Variants in COL6A5 observed in about 807,000 individuals in gnomAD.
COL6A5 encodes the protein collagen type VI alpha 5 chain.
In COL6A5, 48 loss-of-function variants were observed where a neutral mutation model predicts 65.6. That is an observed-to-expected ratio of 0.73 (90% CI 0.58 to 0.93). The LOEUF is 0.93. Ranked by LOEUF, COL6A5 falls within the 40% of genes least tolerant of loss-of-function variation. The probability of loss-of-function intolerance (pLI) is 0.00; values close to 1 mark genes in which losing one functional copy is unlikely to be tolerated. For missense variants in COL6A5, 914 were observed against 928.3 expected (o/e 0.98, Z 0.20); for synonymous variants, 291 against 322.8 (o/e 0.90, Z 1.05).
At chr3:130,479,109 G>C (rs1229146810) in intron 7 of COL6A5, among the ~76,000 whole-genome samples, 2 of 151,986 alleles carry the variant, frequency 1.3e-5, no homozygotes, top group Admixed American at 6.6e-5. Flanking sequence ...GGTATTAGGA[G>C]GTAGGATATT....
chr3:130,380,153 C>G, intron 4 of COL6A5, 103 bp downstream of exon 4: 1 of 901,236 alleles, frequency 1.1e-6, no homozygotes, highest in Non-Finnish European at 1.6e-6. Flanking sequence ...AAGGAACTTT[C>G]AGGAGTTGTG....
intron 4 of COL6A5, among the ~76,000 whole-genome samples, chr3:130,445,387 CAATT>C (rs1709281970): frequency 6.6e-6 from 1 of 152,100 alleles, no homozygotes; most frequent in Admixed American, 6.5e-5. Flanking sequence ...GTTTAAATGA[CAATT>C]AATGCGTTGG....
chr3:130,360,373 C>A (rs1311359832), intron 1 of COL6A5, among the ~76,000 whole-genome samples: 1 of 151,950 alleles, frequency 6.6e-6, no homozygotes, highest in East Asian at 1.9e-4. Flanking sequence ...TTCTTGGATT[C>A]TTCAAATTCA....
chr3:130,362,326 A>ATATATATATATAT (rs1935166422), intron 1 of COL6A5, among the ~76,000 whole-genome samples: 2 of 4,672 alleles, frequency 4.3e-4, no homozygotes, highest in African/African-American at 9.5e-4. Flanking sequence ...ATATATATAT[A>ATATATATATATAT]TTTTTTTTTT....
At chr3:130,376,150 C>T in intron 2 of COL6A5, 87 bp from the exon 3 acceptor site, 4 of 1,334,798 alleles carry the variant, frequency 3.0e-6, no homozygotes, top group Non-Finnish European at 4.0e-6. Context: ...CACTTAACAC[C>T]AGCACATAGT....
At position 130,447,007 on chromosome 3, in the gene COL6A5, A is replaced by G. The variant is rs541131691; in HGVS notation, c.1332+3441A>G. Among the ~76,000 whole-genome samples, 4 of 152,282 alleles carry G rather than the reference A, an allele frequency of 2.6e-5. No homozygotes were observed. In the East Asian group the frequency reaches 5.8e-4, roughly 22 times the overall value. On this transcript the variant is annotated intron_variant, in intron 4 of 7. Coordinates refer to ENST00000512836, the Ensembl canonical transcript of COL6A5. ...AGACTGTTTGGACAATTGGGTTTTT[A>G]AAGTGCGATTGGCCCGTTCCACCAC...
At chr3:130,436,319 T>C (rs1709032945) in intron 1 of COL6A5, among the ~76,000 whole-genome samples, 1 of 152,004 alleles carries the variant, frequency 6.6e-6, no homozygotes, top group Non-Finnish European at 1.5e-5. Flanking sequence ...AGAGACCCTC[T>C]GTCTACTATA....
intron 1 of COL6A5, among the ~76,000 whole-genome samples, chr3:130,361,162 C>T (rs1417222027): frequency 6.6e-6 from 1 of 151,964 alleles, no homozygotes; most frequent in Non-Finnish European, 1.5e-5. Flanking sequence ...TGAATTTTGG[C>T]AAATGTATAA....
At chr3:130,472,841 A>ATATATATATATG (rs1264003868) in intron 7 of COL6A5, among the ~76,000 whole-genome samples, 2 of 139,890 alleles carry the variant, frequency 1.4e-5, no homozygotes, top group African/African-American at 5.4e-5. Flanking sequence ...ACATATATAT[A>ATATATATATATG]TATATATATA....
At chr3:130,393,496 T>C (rs1936477670) in intron 7 of COL6A5, among the ~76,000 whole-genome samples, 1 of 152,234 alleles carries the variant, frequency 6.6e-6, no homozygotes, top group South Asian at 2.1e-4. Flanking sequence ...TAATCTTGTT[T>C]GTTTGGGGTG....
At chr3:130,374,675 A>G (rs548488016) in intron 2 of COL6A5, among the ~76,000 whole-genome samples, 7 of 152,244 alleles carry the variant, frequency 4.6e-5, no homozygotes, top group Admixed American at 2.0e-4. Flanking sequence ...GCTGGTCTCA[A>G]TCTCCTGGGC....
At chr3:130,456,206 TAA>T (rs1220786063) in intron 5 of COL6A5, among the ~76,000 whole-genome samples, 7 of 152,122 alleles carry the variant, frequency 4.6e-5, no homozygotes, top group Non-Finnish European at 7.4e-5. Flanking sequence ...TGATAGAACA[TAA>T]ACTCCCTTGA....
At chr3:130,369,425 T>C (rs752032355) in intron 1 of COL6A5, among the ~76,000 whole-genome samples, 3 of 152,206 alleles carry the variant, frequency 2.0e-5, no homozygotes, top group Non-Finnish European at 4.4e-5. Context: ...GCCTTTGCTA[T>C]GCAGTTATAA....
chr3:130,391,097 A>C, intron 6 of COL6A5, 82 bp from the exon 7 acceptor site: 1 of 949,554 alleles, frequency 1.1e-6, no homozygotes, highest in Non-Finnish European at 1.6e-6. Flanking sequence ...CTCATGGCAA[A>C]TGCCAGTTCG....
chr3:130,447,612 G>A (rs951303428), intron 4 of COL6A5, among the ~76,000 whole-genome samples: 4 of 152,108 alleles, frequency 2.6e-5, no homozygotes, highest in Admixed American at 6.6e-5. Flanking sequence ...GGCAAACCGC[G>A]TGTTGTAACC....
chr3:130,483,114 T>A (rs1392313224), intron 7 of COL6A5, among the ~76,000 whole-genome samples: 4 of 152,136 alleles, frequency 2.6e-5, no homozygotes, highest in Non-Finnish European at 4.4e-5. Flanking sequence ...GAATTTCATA[T>A]CTAGCCAAAC....
intron 1 of COL6A5, among the ~76,000 whole-genome samples, chr3:130,371,932 G>T (rs1218000316): frequency 6.6e-6 from 1 of 152,198 alleles, no homozygotes; most frequent in East Asian, 1.9e-4. Context: ...TCATATATCT[G>T]CTAAGCATGT....
At chr3:130,368,670 G>C (rs1407439047) in intron 1 of COL6A5, among the ~76,000 whole-genome samples, 1 of 152,092 alleles carries the variant, frequency 6.6e-6, no homozygotes, top group Non-Finnish European at 1.5e-5. Flanking sequence ...TGGCAGTCCA[G>C]GTGGCTAGAA....
At chr3:130,407,663 C>T (rs556034589) in intron 17 of COL6A5, among the ~76,000 whole-genome samples, 1 of 152,284 alleles carries the variant, frequency 6.6e-6, no homozygotes, top group South Asian at 2.1e-4. Flanking sequence ...CCATTCTGCA[C>T]CTTAGGTGCC....
Sources: gnomAD v4.1 joint callset for allele counts (sites outside exome capture counted in the v4.1 genomes callset) on GRCh38, gnomAD v4.1.1 for gene constraint, MANE v1.5 for transcripts, NCBI Gene and HGNC (gene_info 2026-07-23, HGNC 2026-07-21) for gene names.